The following C1QBP variants were observed in gnomAD, a reference collection of about 807,000 sequenced individuals.
C1QBP encodes complement component 1 Q subcomponent-binding protein, mitochondrial.
Under a neutral mutation model 29.4 loss-of-function variants are expected in C1QBP, and 24 were observed. The ratio of observed to expected loss-of-function variants is 0.82; its 90% CI spans 0.59 to 1.15. C1QBP has a LOEUF of 1.15. Ranked by LOEUF, C1QBP falls within the 50% of genes most tolerant of loss-of-function variation. C1QBP has a pLI of 0.00. For synonymous variants in C1QBP, 182 were observed against 149.2 expected, an observed-to-expected ratio of 1.22 and a Z score of -1.60; for missense variants, 337 against 355.8, an observed-to-expected ratio of 0.95 and a Z score of 0.43.
chr17:5,437,218 CTTAAT>C (rs1384161232), intron 2 of C1QBP, among the ~76,000 whole-genome samples: 1 of 152,136 alleles, frequency 6.6e-6, no homozygotes, highest in Non-Finnish European at 1.5e-5. Context: ...CTAAGAACCA[CTTAAT>C]TTAATAAACT....
intron 3 of C1QBP, 191 bp downstream of exon 3, chr17:5,434,682 G>A: frequency 7.1e-6 from 3 of 421,922 alleles, no homozygotes; most frequent in Non-Finnish European, 1.3e-5. Flanking sequence ...TGGCCAGGAT[G>A]GTCTCGATCT....
chr17:5,433,212 T>A lies in C1QBP; in HGVS notation c.700-48A>T, dbSNP rs1315737628. 3.7e-6 allele frequency: 6 copies of A among 1,609,352 alleles called. No individual in the cohort carries two copies. In the Admixed American group the frequency reaches 1.0e-4, roughly 27 times the overall value. ...GTTAAAAAAAAATCTGTAATGAACA[T>A]TAAAATGCTTTTTTCTCCCCTTGAA... is the stretch of plus-strand genomic sequence containing the variant. On this transcript the variant is annotated intron_variant, in intron 5 of 5. Transcript: ENST00000225698.
intron 2 of C1QBP, among the ~76,000 whole-genome samples, chr17:5,437,202 C>T (rs919786523): frequency 4.6e-5 from 7 of 152,048 alleles, no homozygotes; most frequent in Non-Finnish European, 7.4e-5. Context: ...CATAATTCTG[C>T]GAGGACTAAG....
intron 2 of C1QBP, among the ~76,000 whole-genome samples, chr17:5,437,036 C>T (rs956826126): frequency 6.9e-6 from 1 of 145,226 alleles, no homozygotes; most frequent in Non-Finnish European, 1.5e-5. Flanking sequence ...AATTGTATGA[C>T]TCCATTTATA....
At position 5,438,786 on chromosome 17, in the gene C1QBP, G is replaced by A. The variant is rs1180701039; in HGVS notation, c.232+56C>T. On this transcript the variant is annotated intron_variant, in intron 1 of 5. Transcript: ENST00000225698. Reference sequence around the variant, plus strand: ...AGGTCGGTTGCAGGCCCTATTCCTGGTCTACGTTTTCCCTCTGTTGAACGC... The same window carrying A: ...AGGTCGGTTGCAGGCCCTATTCCTGATCTACGTTTTCCCTCTGTTGAACGC... 1.7e-5 allele frequency: 27 copies of A among 1,545,154 alleles called. No individual in the cohort carries two copies. In the East Asian group the frequency reaches 5.4e-4, roughly 31 times the overall value.
In C1QBP at chr17:5,433,147, T is replaced by A; in HGVS notation, c.717A>T (p.Leu239=). The change falls in exon 6 of 6, where the codon CTA becomes CTT. Residue 239 remains leucine (L), a synonymous_variant. Coordinates refer to ENST00000225698, the MANE Select transcript of C1QBP (RefSeq NM_001212.4). The stretch of plus-strand genomic sequence containing the variant: ...CCCCTCGGTCGGCAAGGAAATCCAT[T>A]AGGTGGTCATATAAGGCCTGCAAAG... ...DSLDWALYDH[L]MDFLADRGVD... The A allele has an allele frequency of 1.9e-6, 3 of 1,613,868 alleles. No individual in the cohort carries two copies. Among genetic ancestry groups the A allele is most frequent in the Non-Finnish European group, 1.7e-6 (2 of 1,179,948 alleles).
chr17:5,437,203 G>A (rs901131822), intron 2 of C1QBP, among the ~76,000 whole-genome samples: 17 of 152,150 alleles, frequency 1.1e-4, no homozygotes, highest in African/African-American at 2.7e-4. Context: ...ATAATTCTGC[G>A]AGGACTAAGA....
chr17:5,437,550 AC>A (rs1273060129), intron 2 of C1QBP, among the ~76,000 whole-genome samples: 2 of 152,174 alleles, frequency 1.3e-5, no homozygotes, highest in African/African-American at 4.8e-5. Flanking sequence ...TTTTCTCCTG[AC>A]CTCATGATCT....
chr17:5,436,044 GAAAAAAAAAAA>G (rs556979926), intron 2 of C1QBP, among the ~76,000 whole-genome samples: 1 of 85,314 alleles, frequency 1.2e-5, no homozygotes, highest in Non-Finnish European at 2.3e-5. Context: ...GACTCTGTCA[GAAAAAAAAAAA>G]AAAAAAAAAG....
Position 5,434,893 on chromosome 17 carries a change from G to A in C1QBP, c.457C>T (p.Gln153Ter). Residue 153 changes from glutamine to a stop codon, truncating the protein, a stop_gained, in exon 3 of 6, where the codon CAG (glutamine) becomes TAG (stop). Transcript: ENST00000225698. LOFTEE classifies it high-confidence loss of function. ...CTTACCTCCTGTTCTTCAACCTTCT[G>A]CCCTTGCGAGGGTTCCTCCTCACCA... ...FDGEEEPSQG[Q>*]KVEEQEPELT... is the part of the protein sequence containing the mutation. 2 of 1,613,598 alleles carry A rather than the reference G, an allele frequency of 1.2e-6. No homozygotes were observed. The highest frequency in any genetic ancestry group is 1.7e-6 in the Non-Finnish European group (2 of 1,179,550).
chr17:5,438,929 G>C lies in C1QBP; in HGVS notation c.145C>G (p.Arg49Gly), dbSNP rs1916347613. The change falls in exon 1 of 6, where the codon CGC becomes GGC. Residue 49 changes from arginine (R) to glycine (G), a missense_variant. By Grantham distance (125) the Arg-to-Gly change is moderately radical. Coordinates refer to ENST00000225698, the MANE Select transcript of C1QBP (RefSeq NM_001212.4). The stretch of plus-strand genomic sequence containing the variant: ...CCCGGCCGCCGCTCGGAACCTGCGC[G>C]CACGCTGAGCAGCCCGAAGGGCCGG... ...CTRPFGLLSV[R>G]AGSERRPGLL... is the part of the protein sequence containing the mutation. 4 of 1,534,062 alleles carry C rather than the reference G, an allele frequency of 2.6e-6. No individual in the cohort carries two copies. The East Asian group carries it at 1.0e-4, about 39-fold the overall frequency.
chr17:5,438,394 C>CA, intron 1 of C1QBP, 121 bp from the exon 2 acceptor site: 1 of 1,206,004 alleles, frequency 8.3e-7, no homozygotes, highest in Non-Finnish European at 1.1e-6. Context: ...ATTACGGTTA[C>CA]TCTAGAAGCC....
chr17:5,438,300 A>G (rs1362093487), intron 1 of C1QBP, 27 bp from the exon 2 acceptor site: 4 of 1,608,922 alleles, frequency 2.5e-6, no homozygotes, highest in Non-Finnish European at 3.4e-6. Context: ...GATACATAAA[A>G]AGGAAAGCCA....
intron 4 of C1QBP, 78 bp downstream of exon 4, chr17:5,433,591 T>C (rs576301145): frequency 1.3e-6 from 2 of 1,552,406 alleles, no homozygotes; most frequent in African/African-American, 2.7e-5. Flanking sequence ...AAATTTCTGC[T>C]AAAATAGGGA....
intron 3 of C1QBP, 33 bp from the exon 4 acceptor site, chr17:5,433,800 C>T (rs1405693503): frequency 7.0e-6 from 11 of 1,576,744 alleles, no homozygotes; most frequent in Non-Finnish European, 9.6e-6. Context: ...CATGCTGCTG[C>T]TGGAAGGAGA....
At chr17:5,434,464 CTTTTTT>C (rs576803401) in intron 3 of C1QBP, among the ~76,000 whole-genome samples, 97 of 97,844 alleles carry the variant, frequency 9.9e-4, no homozygotes, top group African/African-American at 3.6e-3. Context: ...TTCTCTCTCT[CTTTTTT>C]TTTTTTTTTT....
intron 2 of C1QBP, 27 bp downstream of exon 2, chr17:5,438,096 C>A (rs767109544): frequency 6.2e-7 from 1 of 1,606,880 alleles, no homozygotes; most frequent in Admixed American, 1.7e-5. Flanking sequence ...GGAGTTGCTG[C>A]CCTGGGATCC....
Position 5,438,174 on chromosome 17 carries a change from A to G in C1QBP, c.332T>C (p.Leu111Pro). Residue 111 changes from leucine (L) to proline (P), a missense_variant, in exon 2 of 6, where the codon CTG becomes CCG. Coordinates refer to ENST00000225698, the MANE Select transcript of C1QBP (RefSeq NM_001212.4). ...TTTCGCTTCTGTCCCATTCAGTTCCAGCTCCCAACCTCCAGACATCTTAGG... is the reference window on the plus strand; with the variant it reads ...TTTCGCTTCTGTCCCATTCAGTTCCGGCTCCCAACCTCCAGACATCTTAGG... ...TLPKMSGGWE[L>P]ELNGTEAKLV... 6.2e-7 allele frequency: 1 copy of G among 1,613,366 alleles called. No individual in the cohort carries two copies. The highest frequency in any genetic ancestry group is 8.5e-7 in the Non-Finnish European group (1 of 1,180,032).
intron 1 of C1QBP, chr17:5,438,547 A>T (rs1031382428): frequency 7.1e-6 from 5 of 702,024 alleles, no homozygotes; most frequent in South Asian, 4.0e-5. Context: ...GCCAAACGAT[A>T]TAACTATGCT....
Sources: allele counts gnomAD v4.1 joint callset (sites outside exome capture counted in the v4.1 genomes callset), GRCh38; gene constraint gnomAD v4.1.1; transcripts MANE v1.5; gene names NCBI Gene and HGNC (gene_info 2026-07-23, HGNC 2026-07-21).